The following RNF43 variants were observed in gnomAD, a reference collection of about 807,000 sequenced individuals.
RNF43 encodes the protein E3 ubiquitin-protein ligase RNF43.
In RNF43, 37 loss-of-function variants were observed where a neutral mutation model predicts 78.4. The ratio of observed to expected loss-of-function variants is 0.47; its 90% confidence interval spans 0.36 to 0.62. The LOEUF (loss-of-function observed/expected upper bound fraction) is 0.62. Ranked by LOEUF, RNF43 falls within the 20% of genes least tolerant of loss-of-function variation. RNF43 has a pLI of 0.00. For synonymous variants in RNF43, 347 were observed against 395.0 expected, an observed-to-expected ratio of 0.88 and a Z score of 1.44; for missense variants, 774 against 1,007.9, an observed-to-expected ratio of 0.77 and a Z score of 3.14.
chr17:58,387,507 C>T (rs1190362432), intron 2 of RNF43, among the ~76,000 whole-genome samples: 2 of 151,756 alleles, frequency 1.3e-5, no homozygotes, highest in East Asian at 3.9e-4. Context: ...AAAAATTAGC[C>T]GGGCATGGTG....
rs1972736369 is a variant in RNF43, at chr17:58,358,083, G to A, written c.1693C>T (p.His565Tyr). The change falls in exon 9 of 10, where the codon CAT becomes TAT. Residue 565 changes from histidine (H) to tyrosine (Y), a missense_variant. Physicochemically the swap from His to Tyr is moderately conservative, Grantham distance 83 (BLOSUM62 2). Coordinates refer to ENST00000407977, the MANE Select transcript of RNF43 (RefSeq NM_017763.6). The surrounding 1 kb of genome is among the most constrained non-coding windows in gnomAD (Gnocchi z 6.2). Reference protein sequence around the residue: ...HHHYKKRFQWHGRKPGPETGV... With the variant: ...HHHYKKRFQWYGRKPGPETGV... The stretch of plus-strand genomic sequence containing the variant: ...GTTTCTGGGCCAGGCTTCCTGCCAT[G>A]CCACTGGAACCGCTTTTTGTAGTGG... 1.2e-6 allele frequency: 2 copies of A among 1,604,634 alleles called. No individual in the cohort carries two copies. The highest frequency in any genetic ancestry group is 1.7e-6 in the Non-Finnish European group (2 of 1,175,352).
chr17:58,384,028 G>C (rs1567886613), intron 2 of RNF43, among the ~76,000 whole-genome samples: 1 of 152,192 alleles, frequency 6.6e-6, no homozygotes, highest in Admixed American at 6.5e-5. Flanking sequence ...CTGCCCCTGA[G>C]AATGTATGTA....
chr17:58,375,094 T>C (rs1461071934), intron 2 of RNF43, among the ~76,000 whole-genome samples: 1 of 152,170 alleles, frequency 6.6e-6, no homozygotes, highest in African/African-American at 2.4e-5. Flanking sequence ...CCATTCTCAC[T>C]ATCGCTATTG....
At position 58,375,609 on chromosome 17, in the gene RNF43, C is replaced by T. The variant is rs772097334; in HGVS notation, c.253-4576G>A. On this transcript the variant is annotated intron_variant, in intron 2 of 9. Coordinates refer to ENST00000407977, the MANE Select transcript of RNF43 (RefSeq NM_017763.6). ...TGGAAGTCTATAACCAGATAATTGA[C>T]GATAGTTAACTATGAAGACAAGACA... Among the ~76,000 whole-genome samples, 23 of 152,220 alleles carry T rather than the reference C, an allele frequency of 1.5e-4. 1 individual carries two copies. The highest frequency in any genetic ancestry group is 3.6e-4 in the African/African-American group (15 of 41,532).
chr17:58,377,935 A>G (rs1425666588), intron 2 of RNF43, among the ~76,000 whole-genome samples: 1 of 152,080 alleles, frequency 6.6e-6, no homozygotes, highest in Non-Finnish European at 1.5e-5. Flanking sequence ...ACACACCGGC[A>G]TCATAAAGTA....
chr17:58,367,289 G>GCCACCACACCTGGTATGAT (rs1972977307), intron 3 of RNF43, among the ~76,000 whole-genome samples: 1 of 152,164 alleles, frequency 6.6e-6, no homozygotes, highest in Admixed American at 6.5e-5. Context: ...CCTGGTATGA[G>GCCACCACACCTGGTATGAT]CCACCACACC....
At chr17:58,374,569 T>C (rs1236352867) in intron 2 of RNF43, among the ~76,000 whole-genome samples, 3 of 152,016 alleles carry the variant, frequency 2.0e-5, no homozygotes, top group African/African-American at 7.2e-5. Context: ...ATTTTTGTAT[T>C]TTTAGTAGAG....
chr17:58,373,159 C>G (rs1271571937), intron 2 of RNF43, among the ~76,000 whole-genome samples: 2 of 152,198 alleles, frequency 1.3e-5, no homozygotes, highest in Non-Finnish European at 2.9e-5. Context: ...CGACCCTCCC[C>G]ACATGGTCCA....
chr17:58,361,980 C>T (rs1972842813), intron 6 of RNF43, among the ~76,000 whole-genome samples: 2 of 151,896 alleles, frequency 1.3e-5, no homozygotes, highest in Non-Finnish European at 1.5e-5. Context: ...CAGCTACTCG[C>T]GAGACTGAGG....
At chr17:58,406,149 A>G (rs965429929) in intron 2 of RNF43, among the ~76,000 whole-genome samples, 2 of 152,200 alleles carry the variant, frequency 1.3e-5, no homozygotes, top group African/African-American at 4.8e-5. Flanking sequence ...TGGTCTGTTC[A>G]CTTATTTTAA....
chr17:58,357,044 C>G lies in RNF43; in HGVS notation c.2308+424G>C. The stretch of plus-strand genomic sequence containing the variant: ...GAGTAGCTGGGATTATAAGTGCCCG[C>G]CACCATACCCGGCTAATTTTTGTAT... On this transcript the variant is annotated intron_variant, in intron 9 of 9. Coordinates refer to ENST00000407977, the MANE Select transcript of RNF43 (RefSeq NM_017763.6). This position sits in a 1 kb window ranked among gnomAD's most constrained non-coding sequence, Gnocchi z 4.5. The G allele has an allele frequency of 1.7e-6, 1 of 602,870 alleles. No homozygotes were observed. The highest frequency in any genetic ancestry group is 2.8e-5 in the Admixed American group (1 of 35,178). The allele number at this position is 602,870 out of a possible 1,614,324, so 37.3% of individuals were successfully genotyped here.
Position 58,415,951 on chromosome 17 carries a change from A to G in RNF43, c.-374T>C, listed in dbSNP as rs566932071. 5 of 325,120 alleles carry G rather than the reference A, an allele frequency of 1.5e-5. No homozygotes were observed. Among genetic ancestry groups the G allele is most frequent in the Non-Finnish European group, 2.3e-5 (4 of 172,246 alleles). The allele number at this position is 325,120 out of a possible 1,614,324, so 20.1% of individuals were successfully genotyped here. ...TGGCATTGCTCTTCCATATGCATCA[A>G]GTTGCCAGGCACTAAACCCAATGTT... On this transcript the variant is annotated 5_prime_UTR_variant, in exon 2 of 10. Transcript: ENST00000407977.
At chr17:58,365,379 G>A (rs531558518) in intron 3 of RNF43, among the ~76,000 whole-genome samples, 2 of 152,274 alleles carry the variant, frequency 1.3e-5, no homozygotes, top group East Asian at 3.9e-4. Flanking sequence ...CAAGACCCTG[G>A]ACCCACCCTG....
chr17:58,375,353 A>G (rs1030878438), intron 2 of RNF43, among the ~76,000 whole-genome samples: 36 of 152,104 alleles, frequency 2.4e-4, no homozygotes, highest in Non-Finnish European at 4.6e-4. Flanking sequence ...TTCCCATCCT[A>G]TATCTCTTCC....
chr17:58,366,889 A>G (rs1371826818), intron 3 of RNF43, among the ~76,000 whole-genome samples: 1 of 152,124 alleles, frequency 6.6e-6, no homozygotes, highest in Admixed American at 6.6e-5. Context: ...GCAGGGGCGC[A>G]ATCTCAGCTC....
At position 58,357,800 on chromosome 17, in the gene RNF43, C is replaced by T. The variant is rs769970658; in HGVS notation, c.1976G>A (p.Gly659Asp). ...AGAGCCAGGGGTGGGCTCGGAGGGA[C>T]CCCCCCGCCTTTTCCTCTGTGGGTG... ...ARHPQRKRRGGPSEPTPGSRP... is the reference protein window; with the variant it reads ...ARHPQRKRRGDPSEPTPGSRP... Residue 659 changes from glycine to aspartate, a missense_variant, in exon 9 of 10, where the codon GGT becomes GAT. Transcript: ENST00000407977. This position sits in a 1 kb window ranked among gnomAD's most constrained non-coding sequence, Gnocchi z 4.5. 5 of 1,613,540 alleles carry T rather than the reference C, an allele frequency of 3.1e-6. No homozygotes were observed. In the African/African-American group the frequency reaches 6.7e-5, roughly 22 times the overall value.
At chr17:58,415,289 A>T (rs2143693585) in intron 2 of RNF43, 37 bp downstream of exon 2, 1 of 1,608,208 alleles carries the variant, frequency 6.2e-7, no homozygotes, top group South Asian at 1.1e-5. Flanking sequence ...CATATTTCAA[A>T]CAGATGGAAA....
At chr17:58,380,615 G>A (rs796137622) in intron 2 of RNF43, among the ~76,000 whole-genome samples, 1 of 152,280 alleles carries the variant, frequency 6.6e-6, no homozygotes, top group African/African-American at 2.4e-5. Context: ...AAAGGCCAAA[G>A]ACTAAAGCCA....
intron 2 of RNF43, among the ~76,000 whole-genome samples, chr17:58,408,217 T>C (rs1345166189): frequency 6.6e-6 from 1 of 152,234 alleles, no homozygotes; most frequent in Non-Finnish European, 1.5e-5. Flanking sequence ...TTGCTTTTCA[T>C]CTGGAGTCCT....
Sources: gnomAD v4.1 joint callset for allele counts (sites outside exome capture counted in the v4.1 genomes callset) on GRCh38, gnomAD v4.1.1 for gene constraint, Gnocchi (gnomAD v3.1) non-coding constraint, MANE v1.5 for transcripts, NCBI Gene and HGNC (gene_info 2026-07-23, HGNC 2026-07-21) for gene names.